Variants in DDO observed in about 807,000 individuals in gnomAD.
DDO encodes the protein D-aspartate oxidase, DDO.
A neutral mutation model predicts 16.8 loss-of-function variants in DDO; 16 were observed. That is an observed-to-expected ratio of 0.95 (90% confidence interval 0.65 to 1.45). The LOEUF (loss-of-function observed/expected upper bound fraction) is 1.45. Ranked by LOEUF, DDO falls within the 40% of genes most tolerant of loss-of-function variation. The pLI, the probability that DDO is intolerant of heterozygous loss-of-function variation, is 0.00. For missense variants in DDO, 429 were observed against 420.3 expected, an observed-to-expected ratio of 1.02 and a Z score of -0.18; for synonymous variants, 180 against 167.2, an observed-to-expected ratio of 1.08 and a Z score of -0.59.
chr6:110,395,756 C>T (rs1773269227), intron 4 of DDO, among the ~76,000 whole-genome samples: 1 of 152,144 alleles, frequency 6.6e-6, no homozygotes, highest in Non-Finnish European at 1.5e-5. Context: ...TTTAACTTAG[C>T]AAGGAGGGAC....
chr6:110,394,834 G>A (rs760419166), intron 4 of DDO, among the ~76,000 whole-genome samples: 3 of 152,192 alleles, frequency 2.0e-5, no homozygotes, highest in Non-Finnish European at 2.9e-5. Context: ...TGGTTGTGAG[G>A]TTACAATAAA....
chr6:110,413,575 G>T, intron 1 of DDO, 109 bp from the exon 2 acceptor site: 1 of 1,100,586 alleles, frequency 9.1e-7, no homozygotes. Flanking sequence ...CTCAGAATAA[G>T]ACTTAGCCTA....
rs1224723158 is a variant in DDO, at chr6:110,395,619, A to C, written c.459-2277T>G. On this transcript the variant is annotated intron_variant, in intron 4 of 4. Transcript: ENST00000368924. ...TGCCCCTAAGAGAGCAGAAGTGATCATCACAGCAGTTCTGAGCGCTATCTA... is the reference window on the plus strand; with the variant it reads ...TGCCCCTAAGAGAGCAGAAGTGATCCTCACAGCAGTTCTGAGCGCTATCTA... Among the ~76,000 whole-genome samples, 3 of 152,284 alleles carry C rather than the reference A, an allele frequency of 2.0e-5. No individual in the cohort carries two copies. In the East Asian group the frequency reaches 5.8e-4, roughly 29 times the overall value.
Position 110,414,599 on chromosome 6 carries a change from C to T in DDO, c.-5+868G>A, listed in dbSNP as rs565230326. ...CTGTCAGCATCCCCGCCTGCCTTTG[C>T]TTCCCTGTTTTTGGCTTTCCCCATC... On this transcript the variant is annotated intron_variant, in intron 1 of 4. Coordinates refer to ENST00000368924, the MANE Select transcript of DDO (RefSeq NM_001372108.2). Among the ~76,000 whole-genome samples, 9 of 152,372 alleles carry T rather than the reference C, an allele frequency of 5.9e-5. No homozygotes were observed. The South Asian group carries it at 1.0e-3, about 18-fold the overall frequency.
intron 2 of DDO, among the ~76,000 whole-genome samples, chr6:110,412,688 C>T (rs1773899459): frequency 6.6e-6 from 1 of 152,234 alleles, no homozygotes; most frequent in Admixed American, 6.5e-5. Flanking sequence ...GACAGCTGCT[C>T]CATCGGCTTA....
intron 2 of DDO, among the ~76,000 whole-genome samples, chr6:110,410,121 T>G (rs947831838): frequency 6.6e-6 from 1 of 152,220 alleles, no homozygotes; most frequent in Non-Finnish European, 1.5e-5. Context: ...GCACAGGAGA[T>G]AGTTATGACT....
chr6:110,410,508 A>C (rs1233915851), intron 2 of DDO, among the ~76,000 whole-genome samples: 1 of 152,228 alleles, frequency 6.6e-6, no homozygotes, highest in Non-Finnish European at 1.5e-5. Flanking sequence ...TAATTGACTC[A>C]CGGTTCAGCA....
chr6:110,415,333 A>G, intron 1 of DDO, 134 bp downstream of exon 1: 1 of 1,167,256 alleles, frequency 8.6e-7, no homozygotes, highest in Non-Finnish European at 1.2e-6. Flanking sequence ...AGGGAGGAGG[A>G]GTGAGCGAGC....
intron 2 of DDO, among the ~76,000 whole-genome samples, chr6:110,408,928 A>G (rs551291577): frequency 1.3e-5 from 2 of 152,242 alleles, no homozygotes; most frequent in Non-Finnish European, 2.9e-5. Context: ...CAACCGGGAC[A>G]GAGAACAGAC....
rs963197522 is a variant in DDO, at chr6:110,392,186, C to A, written c.*589G>T. Reference sequence around the variant, plus strand: ...ATGTAATAATCCAGCACTGTGTGAGCACAATGTAATTTTATTTAGAGGAAT... The same window carrying A: ...ATGTAATAATCCAGCACTGTGTGAGAACAATGTAATTTTATTTAGAGGAAT... On this transcript the variant is annotated 3_prime_UTR_variant, in exon 5 of 5. Transcript: ENST00000368924. The A allele has an allele frequency of 1.0e-6, 1 of 985,360 alleles. No homozygotes were observed. Among genetic ancestry groups the A allele is most frequent in the Admixed American group, 6.1e-5 (1 of 16,284 alleles). The allele number at this position is 985,360 out of a possible 1,614,324, so 61.0% of individuals were successfully genotyped here.
At position 110,413,590 on chromosome 6, in the gene DDO, T is replaced by G. The variant is rs1277504653; in HGVS notation, c.-4-124A>C. The stretch of plus-strand genomic sequence containing the variant: ...CTCAGAATAAGACTTAGCCTATTGG[T>G]GTTTCTTGTGAGATAAAGAGGATAA... On this transcript the variant is annotated intron_variant, in intron 1 of 4. Coordinates refer to ENST00000368924, the MANE Select transcript of DDO (RefSeq NM_001372108.2). 5 of 943,698 alleles carry G rather than the reference T, an allele frequency of 5.3e-6. No individual in the cohort carries two copies. In the African/African-American group the frequency reaches 8.3e-5, roughly 16 times the overall value. 58.5% of individuals were successfully genotyped at this position (943,698 alleles called of 1,614,324 possible).
chr6:110,388,573 T>C (rs940003145), downstream of DDO, among the ~76,000 whole-genome samples: 6 of 152,128 alleles, frequency 3.9e-5, no homozygotes, highest in Non-Finnish European at 7.3e-5. Context: ...ACCTGGGCTA[T>C]GGCCTTTCTG....
At chr6:110,407,352 G>T (rs1340718400) in intron 3 of DDO, among the ~76,000 whole-genome samples, 1 of 152,150 alleles carries the variant, frequency 6.6e-6, no homozygotes, top group Non-Finnish European at 1.5e-5. Context: ...TGATAGGAAA[G>T]CAAAACTGCT....
At chr6:110,412,409 T>C (rs1383715923) in intron 2 of DDO, among the ~76,000 whole-genome samples, 1 of 152,252 alleles carries the variant, frequency 6.6e-6, no homozygotes, top group East Asian at 1.9e-4. Flanking sequence ...TGATAGTCAT[T>C]ACTGTTATCA....
chr6:110,414,078 C>T (rs1252884432), intron 1 of DDO, among the ~76,000 whole-genome samples: 1 of 152,138 alleles, frequency 6.6e-6, no homozygotes, highest in Non-Finnish European at 1.5e-5. Flanking sequence ...GGCTTCATCC[C>T]CCTTTCCTAA....
At chr6:110,412,883 G>GC (rs1447351854) in intron 2 of DDO, among the ~76,000 whole-genome samples, 1 of 152,180 alleles carries the variant, frequency 6.6e-6, no homozygotes, top group Non-Finnish European at 1.5e-5. Context: ...AAGCATGGCG[G>GC]CTGTAATCCT....
chr6:110,405,057 G>T, intron 3 of DDO, 107 bp from the exon 4 acceptor site: 1 of 1,159,536 alleles, frequency 8.6e-7, no homozygotes, highest in Non-Finnish European at 1.2e-6. Context: ...TTATTTTTGA[G>T]ACAGAGTCTC....
intron 2 of DDO, among the ~76,000 whole-genome samples, chr6:110,410,540 C>T (rs961850482): frequency 7.2e-5 from 11 of 152,182 alleles, no homozygotes; most frequent in Non-Finnish European, 1.5e-4. Flanking sequence ...CCTCAGGAAA[C>T]TTACGATCGT....
chr6:110,400,348 C>CGGGG lies in DDO; in HGVS notation c.458+4422_458+4425dup, dbSNP rs5879067. 1.1e-3 allele frequency among the ~76,000 whole-genome samples: 153 copies of CGGGG among 136,542 alleles called. 5 individuals carry two copies. Among genetic ancestry groups the CGGGG allele is most frequent in the Non-Finnish European group, 9.3e-4 (59 of 63,496 alleles). 89.6% of individuals were successfully genotyped at this position (136,542 alleles called of 152,430 possible). A position where few individuals can be genotyped will look rare whatever the true frequency, so the allele number is the denominator to read the frequency against. On this transcript the variant is annotated intron_variant, in intron 4 of 4. Coordinates refer to ENST00000368924, the MANE Select transcript of DDO (RefSeq NM_001372108.2). ...GAGGGTGCGCAGGAGCGGGCCGGGGCGGGGACTGGCGCCTCATCACGGGCC... is the reference window on the plus strand; with the variant it reads ...GAGGGTGCGCAGGAGCGGGCCGGGGCGGGGGGGGACTGGCGCCTCATCACGGGCC...
Sources: gnomAD v4.1 joint callset for allele counts (sites outside exome capture counted in the v4.1 genomes callset) on GRCh38, gnomAD v4.1.1 for gene constraint, MANE v1.5 for transcripts, NCBI Gene and HGNC (gene_info 2026-07-23, HGNC 2026-07-21) for gene names.